UBASH3A: variants seen among roughly 807,000 people sequenced by gnomAD.
UBASH3A encodes the protein ubiquitin-associated and SH3 domain-containing protein A.
In UBASH3A, 63 loss-of-function variants were observed where a neutral mutation model predicts 73.5. That is an observed-to-expected ratio of 0.86 (90% CI 0.70 to 1.06). UBASH3A has a LOEUF of 1.06. Among genes scored for constraint, UBASH3A ranks in the 50% least tolerant of loss-of-function variants. The pLI is 0.00. For missense variants in UBASH3A, 860 were observed against 859.0 expected, an observed-to-expected ratio of 1.00 and a Z score of -0.02; for synonymous variants, 363 against 351.1, an observed-to-expected ratio of 1.03 and a Z score of -0.38.
In UBASH3A at chr21:42,447,042, A is replaced by G; in HGVS notation, c.1849-15A>G. The G allele has an allele frequency of 6.2e-7, 1 of 1,607,448 alleles. No individual in the cohort carries two copies. The highest frequency in any genetic ancestry group is 1.1e-5 in the South Asian group (1 of 90,048). On this transcript the variant is annotated splice_polypyrimidine_tract_variant and intron_variant, in intron 14 of 14. Coordinates refer to ENST00000319294, the MANE Select transcript of UBASH3A (RefSeq NM_018961.4). ...GCTATAAGATATTAACAAGTGATTT[A>G]AAACTCTGTTCCAGATCCCTTCCCT...
In UBASH3A at chr21:42,409,620, C is replaced by T. The variant is rs201946974; in HGVS notation, c.354+12C>T. On this transcript the variant is annotated intron_variant, in intron 3 of 14. Transcript: ENST00000319294. Reference sequence around the variant, plus strand: ...GTGACTTCTTCACGGTGAGTCAACCCAGTGTGCCTTCAATGCTCACGGCAG... The same window carrying T: ...GTGACTTCTTCACGGTGAGTCAACCTAGTGTGCCTTCAATGCTCACGGCAG... The T allele has an allele frequency of 5.0e-3, 7,984 of 1,603,568 alleles. 53 individuals carry two copies. The highest frequency in any genetic ancestry group is 0.02 in the South Asian group (1,788 of 89,568).
chr21:42,415,366 C>T (rs2053180094), intron 5 of UBASH3A, among the ~76,000 whole-genome samples: 1 of 152,226 alleles, frequency 6.6e-6, no homozygotes, highest in South Asian at 2.1e-4. Context: ...CCTACACACT[C>T]ATGCTGCTCT....
chr21:42,406,676 C>T (rs1384063612), intron 2 of UBASH3A, among the ~76,000 whole-genome samples: 1 of 152,134 alleles, frequency 6.6e-6, no homozygotes. Context: ...ATGGGGAAGA[C>T]ATGATTGTTG....
chr21:42,440,751 T>A (rs2053726325), intron 11 of UBASH3A, among the ~76,000 whole-genome samples: 1 of 152,114 alleles, frequency 6.6e-6, no homozygotes, highest in South Asian at 2.1e-4. Context: ...TCCCTTCTAG[T>A]GAAAACCTTC....
intron 8 of UBASH3A, among the ~76,000 whole-genome samples, chr21:42,431,674 G>A (rs556749903): frequency 6.6e-6 from 1 of 152,120 alleles, no homozygotes; most frequent in Non-Finnish European, 1.5e-5. Flanking sequence ...AGTCCTGGAG[G>A]GTTTCTCAGA....
rs554161093 is a variant in UBASH3A, at chr21:42,423,294, G to C, written c.1047-3403G>C. ...CATAGACATGTCCGTGGGTCCAGGG[G>C]CCACATCAAAATCACAGGATGTGGG... On this transcript the variant is annotated intron_variant, in intron 7 of 14. Transcript: ENST00000319294. Among the ~76,000 whole-genome samples, 17 of 152,336 alleles carry C rather than the reference G, an allele frequency of 1.1e-4. No homozygotes were observed. The East Asian group carries it at 2.7e-3, about 24-fold the overall frequency.
chr21:42,413,854 C>T lies in UBASH3A; in HGVS notation c.667+331C>T, dbSNP rs1346299740. ...TATTTAGACTCATATTCAGAATCATCAAAATTCCCTTCTCTCCAAACACCA... is the reference window on the plus strand; with the variant it reads ...TATTTAGACTCATATTCAGAATCATTAAAATTCCCTTCTCTCCAAACACCA... On this transcript the variant is annotated intron_variant, in intron 5 of 14. Coordinates refer to ENST00000319294, the MANE Select transcript of UBASH3A (RefSeq NM_018961.4). The surrounding 1 kb of genome is among the most constrained non-coding windows in gnomAD (Gnocchi z 4.5). Among the ~76,000 whole-genome samples, 1 of 152,206 alleles carries T rather than the reference C, an allele frequency of 6.6e-6. No homozygotes were observed. The highest frequency in any genetic ancestry group is 2.4e-5 in the African/African-American group (1 of 41,450).
chr21:42,440,247 G>A (rs954499321), intron 11 of UBASH3A, among the ~76,000 whole-genome samples: 5 of 152,228 alleles, frequency 3.3e-5, no homozygotes, highest in South Asian at 2.1e-4. Flanking sequence ...CCAGCTCTGC[G>A]CTTTGGGAGG....
intron 14 of UBASH3A, 80 bp downstream of exon 14, chr21:42,444,723 A>T: frequency 3.3e-6 from 4 of 1,202,458 alleles, no homozygotes; most frequent in Non-Finnish European, 5.0e-6. Flanking sequence ...ACTTCTCGGA[A>T]TGAAAACAAG....
chr21:42,438,431 G>A (rs1316268437), intron 11 of UBASH3A, among the ~76,000 whole-genome samples: 1 of 152,196 alleles, frequency 6.6e-6, no homozygotes, highest in African/African-American at 2.4e-5. Context: ...ACATGGGCTG[G>A]GAGATGCAGA....
chr21:42,421,678 T>C (rs1379942450), intron 7 of UBASH3A, among the ~76,000 whole-genome samples: 1 of 152,236 alleles, frequency 6.6e-6, no homozygotes, highest in East Asian at 1.9e-4. Context: ...GGCAAAACTA[T>C]GAAAATTGTG....
At chr21:42,422,421 C>A (rs983794637) in intron 7 of UBASH3A, among the ~76,000 whole-genome samples, 2 of 152,162 alleles carry the variant, frequency 1.3e-5, no homozygotes, top group Admixed American at 1.3e-4. Context: ...TTCTCCAATA[C>A]CCCCTGGATA....
intron 8 of UBASH3A, among the ~76,000 whole-genome samples, chr21:42,428,700 C>A (rs2053480660): frequency 6.6e-6 from 1 of 151,740 alleles, no homozygotes; most frequent in Non-Finnish European, 1.5e-5. Context: ...GGAGAAGTAC[C>A]CAGGTATTGG....
chr21:42,434,099 G>T (rs77885755), intron 9 of UBASH3A, among the ~76,000 whole-genome samples: 1 of 152,024 alleles, frequency 6.6e-6, no homozygotes, highest in Non-Finnish European at 1.5e-5. Flanking sequence ...CCAGTGCCCC[G>T]ACTCGTTGAC....
At chr21:42,408,443 C>A (rs1164540159) in intron 2 of UBASH3A, among the ~76,000 whole-genome samples, 1 of 152,140 alleles carries the variant, frequency 6.6e-6, no homozygotes, top group Admixed American at 6.5e-5. Flanking sequence ...CTATACAGTA[C>A]TTTGTGCTCT....
Position 42,447,294 on chromosome 21 carries a change from C to T in UBASH3A, c.*100C>T, listed in dbSNP as rs569822070. On this transcript the variant is annotated 3_prime_UTR_variant, in exon 15 of 15. Coordinates refer to ENST00000319294, the MANE Select transcript of UBASH3A (RefSeq NM_018961.4). ...TTTCCAGAGGCGTCTTAGTCTCACCCAATGTGATTTGTAGAAGCACGAGAC... is the reference window on the plus strand; with the variant it reads ...TTTCCAGAGGCGTCTTAGTCTCACCTAATGTGATTTGTAGAAGCACGAGAC... 1.5e-6 allele frequency: 2 copies of T among 1,298,232 alleles called. No individual in the cohort carries two copies. Among genetic ancestry groups the T allele is most frequent in the Admixed American group, 4.7e-5 (2 of 42,330 alleles). The allele number at this position is 1,298,232 out of a possible 1,614,324, so 80.4% of individuals were successfully genotyped here.
At chr21:42,433,537 C>T (rs1358746037) in intron 9 of UBASH3A, among the ~76,000 whole-genome samples, 1 of 152,160 alleles carries the variant, frequency 6.6e-6, no homozygotes, top group Admixed American at 6.5e-5. Flanking sequence ...GTGATCACAG[C>T]TGAAGTGTCA....
In UBASH3A at chr21:42,426,915, T is replaced by A. The variant is rs571256862; in HGVS notation, c.1170+95T>A. The A allele has an allele frequency of 2.7e-6, 4 of 1,477,934 alleles. No individual in the cohort carries two copies. The South Asian group carries it at 5.1e-5, about 19-fold the overall frequency. 91.6% of individuals were successfully genotyped at this position (1,477,934 alleles called of 1,614,324 possible). A position where few individuals can be genotyped will look rare whatever the true frequency, so the allele number is the denominator to read the frequency against. On this transcript the variant is annotated intron_variant, in intron 8 of 14. Transcript: ENST00000319294. ...GGACACAGCTTCGTAGGTGTAGCTT[T>A]TGTTCCATAGACACATCCTCCCTGC... is the stretch of plus-strand genomic sequence containing the variant.
At chr21:42,437,720 A>G (rs1052967836) in intron 11 of UBASH3A, 140 bp downstream of exon 11, 70 of 737,546 alleles carry the variant, frequency 9.5e-5, no homozygotes, top group Middle Eastern at 3.6e-4. Context: ...AGTACGAGCC[A>G]GCCCTCCAAG....
Sources: allele counts gnomAD v4.1 joint callset (sites outside exome capture counted in the v4.1 genomes callset), GRCh38; gene constraint gnomAD v4.1.1; non-coding constraint Gnocchi (gnomAD v3.1); transcripts MANE v1.5; gene names NCBI Gene and HGNC (gene_info 2026-07-23, HGNC 2026-07-21).